DCDC1: variants seen among roughly 807,000 people sequenced by gnomAD.
The protein encoded by DCDC1 is doublecortin domain containing 1.
In DCDC1, 200 loss-of-function variants were observed where a neutral mutation model predicts 178.3. That is an observed-to-expected ratio of 1.12 (90% CI 1.00 to 1.26). The LOEUF is 1.26. Among genes scored for constraint, DCDC1 ranks in the 50% most tolerant of loss-of-function variants. The probability of loss-of-function intolerance (pLI) is 0.00; values close to 1 mark genes in which losing one functional copy is unlikely to be tolerated. For missense variants in DCDC1, 1,983 were observed against 1,749.2 expected, an observed-to-expected ratio of 1.13 and a Z score of -2.38; for synonymous variants, 690 against 604.8, an observed-to-expected ratio of 1.14 and a Z score of -2.07.
At chr11:31,309,373 T>C (rs900837359) in intron 3 of DCDC1, among the ~76,000 whole-genome samples, 1 of 152,180 alleles carries the variant, frequency 6.6e-6, no homozygotes, top group African/African-American at 2.4e-5. Context: ...AAAGGGTCTT[T>C]GGACTAGCTC....
At chr11:30,868,242 C>CT (rs35180579) in intron 38 of DCDC1, among the ~76,000 whole-genome samples, 1,893 of 61,082 alleles carry the variant, frequency 0.031, 356 homozygotes, top group African/African-American at 0.12. Flanking sequence ...TTCATACCTG[C>CT]TTTTTTTTTT....
At position 30,873,360 on chromosome 11, in the gene DCDC1, T is replaced by TAGAGAGAGAGAG. The variant is rs1318294592; in HGVS notation, c.*40+5183_*40+5184insCTCTCTCTCTCT. On this transcript the variant is annotated intron_variant, in intron 38 of 38. Coordinates refer to ENST00000684477, the MANE Select transcript of DCDC1 (RefSeq NM_001387274.1). ...GTGTATATACATATATATATATATA[T>TAGAGAGAGAGAG]ATATAGAGAGAGAGAGAGAGAGAGA... 2.1e-3 allele frequency among the ~76,000 whole-genome samples: 289 copies of TAGAGAGAGAGAG among 138,628 alleles called. 1 individual carries two copies. The highest frequency in any genetic ancestry group is 7.6e-3 in the African/African-American group (277 of 36,556). The allele number at this position is 138,628 out of a possible 152,430, so 90.9% of individuals were successfully genotyped here. A position where few individuals can be genotyped will look rare whatever the true frequency, so the allele number is the denominator to read the frequency against.
chr11:31,002,463 C>G (rs1479179535), intron 20 of DCDC1, among the ~76,000 whole-genome samples: 1 of 152,096 alleles, frequency 6.6e-6, no homozygotes, highest in Non-Finnish European at 1.5e-5. Context: ...AAAGAGCCCT[C>G]CAATACACCC....
In DCDC1 at chr11:31,261,582, T is replaced by C. The variant is rs1351621786; in HGVS notation, c.1054+3925A>G. 3.9e-5 allele frequency among the ~76,000 whole-genome samples: 6 copies of C among 152,150 alleles called. No individual in the cohort carries two copies. In the East Asian group the frequency reaches 7.7e-4, roughly 20 times the overall value. On this transcript the variant is annotated intron_variant, in intron 8 of 38. Transcript: ENST00000684477. ...ATAACATTTACACAGTATTAGGTAT[T>C]ATAAGTAAGCTAGAGATTAAAGTAA... is the stretch of plus-strand genomic sequence containing the variant.
At chr11:30,922,109 G>A (rs188162285) in intron 24 of DCDC1, among the ~76,000 whole-genome samples, 1 of 152,206 alleles carries the variant, frequency 6.6e-6, no homozygotes, top group African/African-American at 2.4e-5. Context: ...GAAGCAAGAA[G>A]ATCTGCAACC....
chr11:31,025,011 A>G (rs1045526156), intron 20 of DCDC1, among the ~76,000 whole-genome samples: 1 of 151,880 alleles, frequency 6.6e-6, no homozygotes, highest in African/African-American at 2.4e-5. Flanking sequence ...TAACTTAGTA[A>G]TAGAACTCAG....
At chr11:31,028,340 T>C (rs1377425811) in intron 20 of DCDC1, among the ~76,000 whole-genome samples, 2 of 151,900 alleles carry the variant, frequency 1.3e-5, no homozygotes, top group African/African-American at 4.8e-5. Context: ...GGTTTTAAGA[T>C]TATCAGTAAT....
intron 28 of DCDC1, among the ~76,000 whole-genome samples, chr11:30,910,922 C>T (rs1945402731): frequency 6.6e-6 from 1 of 152,198 alleles, no homozygotes; most frequent in Admixed American, 6.5e-5. Context: ...TTCTTTCTCT[C>T]CAGCTGCCAA....
intron 20 of DCDC1, among the ~76,000 whole-genome samples, chr11:30,954,370 G>A (rs2134507432): frequency 6.6e-6 from 1 of 152,154 alleles, no homozygotes; most frequent in African/African-American, 2.4e-5. Flanking sequence ...TCACAGATTT[G>A]AAATAGAAAA....
At chr11:31,177,867 T>C (rs1968277212) in intron 9 of DCDC1, among the ~76,000 whole-genome samples, 1 of 151,972 alleles carries the variant, frequency 6.6e-6, no homozygotes, top group African/African-American at 2.4e-5. Context: ...AGCCCCCACA[T>C]ATGTAAAGCA....
intron 9 of DCDC1, among the ~76,000 whole-genome samples, chr11:31,241,058 T>C (rs766844794): frequency 1.3e-5 from 2 of 152,038 alleles, no homozygotes; most frequent in Non-Finnish European, 2.9e-5. Context: ...TGTGATTTGT[T>C]GTATTCTAGC....
intron 9 of DCDC1, among the ~76,000 whole-genome samples, chr11:31,197,660 C>A (rs1970840980): frequency 6.6e-6 from 1 of 152,066 alleles, no homozygotes. Context: ...TCTGTTACTA[C>A]TGGAGGAAAG....
At chr11:30,965,322 T>C (rs1018922441) in intron 20 of DCDC1, among the ~76,000 whole-genome samples, 1 of 152,126 alleles carries the variant, frequency 6.6e-6, no homozygotes, top group Non-Finnish European at 1.5e-5. Flanking sequence ...CCAGTCTCCA[T>C]ATCATACCAC....
intron 20 of DCDC1, among the ~76,000 whole-genome samples, chr11:31,042,845 A>C (rs1954565761): frequency 6.6e-6 from 1 of 152,130 alleles, no homozygotes; most frequent in South Asian, 2.1e-4. Flanking sequence ...TCCACCCCTA[A>C]GTCTAGTGTT....
chr11:30,915,750 C>G (rs1271538569), intron 26 of DCDC1, 39 bp from the exon 27 acceptor site: 5 of 1,575,350 alleles, frequency 3.2e-6, no homozygotes, highest in Non-Finnish European at 3.5e-6. Context: ...AGAAAAATGT[C>G]CCATGCACTT....
chr11:31,360,125 T>C (rs1951631972), intron 1 of DCDC1, among the ~76,000 whole-genome samples: 1 of 152,214 alleles, frequency 6.6e-6, no homozygotes, highest in African/African-American at 2.4e-5. Flanking sequence ...GTAGAAAGTA[T>C]TCCAGAGACT....
chr11:31,331,158 A>C (rs1949961888), intron 2 of DCDC1, among the ~76,000 whole-genome samples: 1 of 152,152 alleles, frequency 6.6e-6, no homozygotes, highest in Non-Finnish European at 1.5e-5. Flanking sequence ...GCAATTGTGA[A>C]GGGGAGTTCA....
At position 30,968,699 on chromosome 11, in the gene DCDC1, ATATATATCAAAT is replaced by A. The variant is rs1178533927; in HGVS notation, c.2592-16143_2592-16132del. ...TATCAAATTATATATATCAAATTAT[ATATATATCAAAT>A]TATATATATATATATATATATATAT... On this transcript the variant is annotated intron_variant, in intron 20 of 38. Transcript: ENST00000684477. Among the ~76,000 whole-genome samples, 667 of 126,736 alleles carry A rather than the reference ATATATATCAAAT, an allele frequency of 5.3e-3. 15 individuals carry two copies. The highest frequency in any genetic ancestry group is 0.02 in the African/African-American group (636 of 31,238). The allele number at this position is 126,736 out of a possible 152,430, so 83.1% of individuals were successfully genotyped here. A position where few individuals can be genotyped will look rare whatever the true frequency, so the allele number is the denominator to read the frequency against.
At chr11:31,332,792 A>G (rs950352342) in intron 2 of DCDC1, among the ~76,000 whole-genome samples, 2 of 152,072 alleles carry the variant, frequency 1.3e-5, no homozygotes, top group African/African-American at 4.8e-5. Flanking sequence ...GAGTGCTTTT[A>G]ACTTCCAACT....
Sources: gnomAD v4.1 joint callset for allele counts (sites outside exome capture counted in the v4.1 genomes callset) on GRCh38, gnomAD v4.1.1 for gene constraint, MANE v1.5 for transcripts, NCBI Gene and HGNC (gene_info 2026-07-23, HGNC 2026-07-21) for gene names.